Variants in RANBP17 observed in about 807,000 individuals in gnomAD.
RANBP17 encodes RAN binding protein 17.
In RANBP17, 158 loss-of-function variants were observed where a neutral mutation model predicts 141.2. The observed-to-expected ratio is 1.12, with a 90% CI of 0.98 to 1.28. The LOEUF is 1.28. Ranked by LOEUF, RANBP17 falls within the 50% of genes most tolerant of loss-of-function variation. The probability of loss-of-function intolerance (pLI) is 0.00; values close to 1 mark genes in which losing one functional copy is unlikely to be tolerated. For synonymous variants in RANBP17, 430 were observed against 450.0 expected, an observed-to-expected ratio of 0.96 and a Z score of 0.56; for missense variants, 1,438 against 1,290.7, an observed-to-expected ratio of 1.11 and a Z score of -1.75.
At chr5:171,096,663 T>G (rs1425072361) in intron 14 of RANBP17, among the ~76,000 whole-genome samples, 1 of 152,184 alleles carries the variant, frequency 6.6e-6, no homozygotes, top group East Asian at 1.9e-4. Context: ...AGCTTGACTT[T>G]GAGAATTTGG....
intron 14 of RANBP17, among the ~76,000 whole-genome samples, chr5:171,021,251 G>T (rs1403551950): frequency 6.6e-6 from 1 of 152,016 alleles, no homozygotes; most frequent in Admixed American, 6.5e-5. Flanking sequence ...TATGTGTCTT[G>T]GGGCTGCTCT....
intron 16 of RANBP17, among the ~76,000 whole-genome samples, chr5:171,180,823 A>G (rs758878273): frequency 3.3e-5 from 5 of 152,198 alleles, no homozygotes; most frequent in Non-Finnish European, 5.9e-5. Flanking sequence ...TCTGCAGAAA[A>G]TGTGTCTTTG....
Position 170,878,222 on chromosome 5 carries a change from A to C in RANBP17, c.144A>C (p.Gln48His). ...IDSPECLSKCQLLLEQGTTSY... is the reference protein window; with the variant it reads ...IDSPECLSKCHLLLEQGTTSY... Reference sequence around the variant, plus strand: ...GTCCAGAATGTCTCAGCAAGTGTCAACTTTTATTAGAACAAGGAACAGTAA... The same window carrying C: ...GTCCAGAATGTCTCAGCAAGTGTCACCTTTTATTAGAACAAGGAACAGTAA... The change falls in exon 2 of 28, where the codon CAA (glutamine) becomes CAC (histidine). Residue 48 changes from glutamine to histidine, a missense_variant. Physicochemically the swap from Gln to His is conservative, Grantham distance 24. Coordinates refer to ENST00000523189, the MANE Select transcript of RANBP17 (RefSeq NM_022897.5). 1 of 1,609,712 alleles carries C rather than the reference A, an allele frequency of 6.2e-7. No individual in the cohort carries two copies. The highest frequency in any genetic ancestry group is 1.7e-5 in the Admixed American group (1 of 59,314).
chr5:171,101,577 G>A (rs544237832), intron 14 of RANBP17, among the ~76,000 whole-genome samples: 3 of 152,114 alleles, frequency 2.0e-5, no homozygotes, highest in African/African-American at 7.2e-5. Context: ...TTTTAATTTG[G>A]GCATTTAACC....
intron 11 of RANBP17, among the ~76,000 whole-genome samples, chr5:170,922,726 C>T (rs1317580456): frequency 2.0e-5 from 3 of 152,180 alleles, no homozygotes; most frequent in African/African-American, 4.8e-5. Context: ...CAGTCTGTCA[C>T]GGCTTCCCTT....
intron 14 of RANBP17, among the ~76,000 whole-genome samples, chr5:171,022,003 G>A (rs1425330632): frequency 6.6e-6 from 1 of 151,970 alleles, no homozygotes; most frequent in Admixed American, 6.6e-5. Context: ...TGCATTGTTT[G>A]TTTGTTTGTT....
At chr5:171,134,489 G>A (rs1757136404) in intron 14 of RANBP17, among the ~76,000 whole-genome samples, 1 of 152,182 alleles carries the variant, frequency 6.6e-6, no homozygotes, top group Non-Finnish European at 1.5e-5. Context: ...TGTGGGAAAT[G>A]TCTCTGACAG....
At chr5:171,050,588 T>A (rs1782892140) in intron 14 of RANBP17, among the ~76,000 whole-genome samples, 1 of 152,140 alleles carries the variant, frequency 6.6e-6, no homozygotes, top group Non-Finnish European at 1.5e-5. Flanking sequence ...GTGCCTGTGG[T>A]CCCAGCTCTT....
intron 14 of RANBP17, among the ~76,000 whole-genome samples, chr5:171,106,323 G>A (rs1472965619): frequency 6.6e-6 from 1 of 152,118 alleles, no homozygotes; most frequent in Non-Finnish European, 1.5e-5. Flanking sequence ...GATGAAGTGG[G>A]AGTTGGCTAG....
At chr5:171,191,371 T>C (rs988492056) in intron 18 of RANBP17, among the ~76,000 whole-genome samples, 3 of 152,172 alleles carry the variant, frequency 2.0e-5, no homozygotes, top group Non-Finnish European at 2.9e-5. Flanking sequence ...ATAGGTATTA[T>C]TCCATTGTTT....
intron 14 of RANBP17, among the ~76,000 whole-genome samples, chr5:171,086,712 A>C (rs1440693935): frequency 1.3e-5 from 2 of 149,588 alleles, no homozygotes; most frequent in African/African-American, 4.9e-5. Context: ...GTGTCGAGGA[A>C]TTTATCCATT....
intron 19 of RANBP17, among the ~76,000 whole-genome samples, chr5:171,203,403 T>C (rs530760579): frequency 1.2e-4 from 18 of 152,304 alleles, no homozygotes; most frequent in African/African-American, 4.1e-4. Flanking sequence ...TGTATCCATG[T>C]AGATTATTGC....
intron 22 of RANBP17, among the ~76,000 whole-genome samples, chr5:171,227,702 T>C: frequency 6.6e-6 from 1 of 152,210 alleles, no homozygotes; most frequent in East Asian, 1.9e-4. Context: ...GTAAAGTCAA[T>C]GCTTGGCTTC....
rs1333206126 is a variant in RANBP17 at position 171,034,981 on chromosome 5, G to A, written c.1710+66604G>A. Among the ~76,000 whole-genome samples, 5 of 151,780 alleles carry A rather than the reference G, an allele frequency of 3.3e-5. No homozygotes were observed. The South Asian group carries it at 1.0e-3, about 32-fold the overall frequency. On this transcript the variant is annotated intron_variant, in intron 14 of 27. Transcript: ENST00000523189. ...GGACCATAGGCATGAGCCACCACAGGTTTGGTTTTTTTTTCTTAATAGGTT... is the reference window on the plus strand; with the variant it reads ...GGACCATAGGCATGAGCCACCACAGATTTGGTTTTTTTTTCTTAATAGGTT...
At chr5:170,879,688 G>T (rs1158160082) in intron 2 of RANBP17, among the ~76,000 whole-genome samples, 1 of 152,068 alleles carries the variant, frequency 6.6e-6, no homozygotes, top group Non-Finnish European at 1.5e-5. Flanking sequence ...TTGAACAATG[G>T]TGACTTGGTT....
intron 25 of RANBP17, among the ~76,000 whole-genome samples, chr5:171,274,878 A>C (rs1199371925): frequency 6.6e-6 from 1 of 152,256 alleles, no homozygotes; most frequent in East Asian, 1.9e-4. Flanking sequence ...AACCCTGCTG[A>C]ACTTCTACAA....
In RANBP17 at chr5:170,933,798, T is replaced by A. The variant is rs538236102; in HGVS notation, c.1468+9248T>A. The stretch of plus-strand genomic sequence containing the variant: ...GAGAGACAGTTTGTTATAATTTCTG[T>A]TCTTTTACATTTGCTGAGGAGTGCT... On this transcript the variant is annotated intron_variant, in intron 12 of 27. Coordinates refer to ENST00000523189, the MANE Select transcript of RANBP17 (RefSeq NM_022897.5). Among the ~76,000 whole-genome samples the A allele has an allele frequency of 2.2e-3, 336 of 152,316 alleles. 1 individual carries two copies. Among genetic ancestry groups the A allele is most frequent in the African/African-American group, 7.3e-3 (302 of 41,568 alleles).
chr5:171,255,926 C>A (rs567274260), intron 24 of RANBP17, among the ~76,000 whole-genome samples: 36 of 152,122 alleles, frequency 2.4e-4, no homozygotes, highest in Non-Finnish European at 4.1e-4. Flanking sequence ...AATCCCACTT[C>A]TTAAATCACA....
chr5:171,082,388 A>G (rs1020049129), intron 14 of RANBP17, among the ~76,000 whole-genome samples: 2 of 152,166 alleles, frequency 1.3e-5, no homozygotes, highest in African/African-American at 4.8e-5. Context: ...ATCAGTTCGA[A>G]TAGGTAATTA....
Sources: gnomAD v4.1 joint callset for allele counts (sites outside exome capture counted in the v4.1 genomes callset) on GRCh38, gnomAD v4.1.1 for gene constraint, MANE v1.5 for transcripts, NCBI Gene and HGNC (gene_info 2026-07-23, HGNC 2026-07-21) for gene names.